The following EIF5B variants were observed in gnomAD, a reference collection of about 807,000 sequenced individuals.
EIF5B encodes eIF-5B.
In EIF5B, 47 loss-of-function variants were observed where a neutral mutation model predicts 147.5. The observed-to-expected ratio is 0.32, with a 90% confidence interval of 0.25 to 0.41. The LOEUF (loss-of-function observed/expected upper bound fraction) is 0.41. EIF5B is among the 10% of genes least tolerant of loss of function. The pLI, the probability that EIF5B is intolerant of heterozygous loss-of-function variation, is 1.00. For synonymous variants in EIF5B, 455 were observed against 456.2 expected (o/e 1.00, Z 0.03); for missense variants, 1,064 against 1,413.2 (o/e 0.75, Z 3.96).
At chr2:99,369,260 C>G (rs375834698) in intron 7 of EIF5B, 132 bp from the exon 8 acceptor site, 2 of 501,970 alleles carry the variant, frequency 4.0e-6, no homozygotes, top group Non-Finnish European at 6.4e-6. Flanking sequence ...GGTGACAGAG[C>G]GAGACTCCAT....
chr2:99,392,639 C>T (rs1280829828), intron 17 of EIF5B, among the ~76,000 whole-genome samples: 2 of 152,046 alleles, frequency 1.3e-5, no homozygotes, highest in Non-Finnish European at 2.9e-5. Context: ...TGTTTATTGG[C>T]CATTTATTTC....
Position 99,384,943 on chromosome 2 carries a change from C to T in EIF5B, c.2271+2022C>T, listed in dbSNP as rs185197142. ...AAAAAGAATTTAGGATAGCAATCAACTTAATTGATAAAGCAGTGGCAGGGT... is the reference window on the plus strand; with the variant it reads ...AAAAAGAATTTAGGATAGCAATCAATTTAATTGATAAAGCAGTGGCAGGGT... On this transcript the variant is annotated intron_variant, in intron 14 of 23. Transcript: ENST00000289371. 2.3e-3 allele frequency among the ~76,000 whole-genome samples: 345 copies of T among 152,248 alleles called. 4 individuals are homozygous for T. Among genetic ancestry groups the T allele is most frequent in the African/African-American group, 8.1e-3 (336 of 41,544 alleles).
chr2:99,353,748 C>G (rs1559245728), intron 1 of EIF5B, among the ~76,000 whole-genome samples: 1 of 152,162 alleles, frequency 6.6e-6, no homozygotes, highest in Admixed American at 6.5e-5. Flanking sequence ...TTTTGTCTTT[C>G]AAAAATGTTG....
At position 99,376,337 on chromosome 2, in the gene EIF5B, G is replaced by T; in HGVS notation, c.1553-10G>T. 7.4e-7 allele frequency: 1 copy of T among 1,348,382 alleles called. No individual in the cohort carries two copies. Among genetic ancestry groups the T allele is most frequent in the Non-Finnish European group, 1.0e-6 (1 of 994,296 alleles). 83.5% of individuals were successfully genotyped at this position (1,348,382 alleles called of 1,614,324 possible). On this transcript the variant is annotated splice_polypyrimidine_tract_variant and intron_variant, in intron 9 of 23. Coordinates refer to ENST00000289371, the MANE Select transcript of EIF5B (RefSeq NM_015904.4). The stretch of plus-strand genomic sequence containing the variant: ...TGTTTATTTATTTAAAAATATATTT[G>T]CTTTCGTAGTAGAAGGAAACAAAGT...
At position 99,363,793 on chromosome 2, in the gene EIF5B, A is replaced by C. The variant is rs775292334; in HGVS notation, c.1068A>C (p.Glu356Asp). The C allele has an allele frequency of 1.1e-5, 18 of 1,613,970 alleles. No individual in the cohort carries two copies. Among genetic ancestry groups the C allele is most frequent in the Admixed American group, 6.7e-5 (4 of 59,990 alleles). Residue 356 changes from glutamate (E) to aspartate (D), a missense_variant, in exon 5 of 24, where the codon GAA becomes GAC. Glu to Asp is a conservative substitution (Grantham distance 45). Transcript: ENST00000289371. The part of the protein sequence containing the change: ...EALAKLKEEE[E>D]RQKREEEERI... ...TGGCTAAGCTTAAAGAGGAAGAAGA[A>C]AGACAGAAGAGAGAAGAGGAAGAAC... is the stretch of plus-strand genomic sequence containing the variant.
chr2:99,386,652 C>T (rs1674815203), intron 14 of EIF5B, among the ~76,000 whole-genome samples: 1 of 148,066 alleles, frequency 6.8e-6, no homozygotes, highest in African/African-American at 2.5e-5. Context: ...GCCTAAGCCA[C>T]AGGTAGCTGG....
At chr2:99,364,945 T>C (rs1397917369) in intron 6 of EIF5B, among the ~76,000 whole-genome samples, 1 of 152,190 alleles carries the variant, frequency 6.6e-6, no homozygotes, top group Non-Finnish European at 1.5e-5. Context: ...TTGCATGGGC[T>C]GAGACCTGGA....
At chr2:99,351,765 T>C (rs1262265995) in intron 1 of EIF5B, among the ~76,000 whole-genome samples, 3 of 152,232 alleles carry the variant, frequency 2.0e-5, no homozygotes, top group Non-Finnish European at 4.4e-5. Flanking sequence ...TGGCGTGATC[T>C]TGGCTCACTG....
chr2:99,365,380 C>T (rs1413803105), intron 6 of EIF5B, among the ~76,000 whole-genome samples: 2 of 152,150 alleles, frequency 1.3e-5, no homozygotes, highest in South Asian at 2.1e-4. Context: ...CTTTTTCTTA[C>T]GCATATGTTC....
chr2:99,351,055 G>C (rs907832486), intron 1 of EIF5B, among the ~76,000 whole-genome samples: 8 of 152,212 alleles, frequency 5.3e-5, no homozygotes, highest in Non-Finnish European at 1.2e-4. Context: ...GGCCAGGCAT[G>C]GTGGCTCACC....
At chr2:99,360,405 C>A in intron 2 of EIF5B, 44 bp downstream of exon 2, 1 of 1,591,918 alleles carries the variant, frequency 6.3e-7, no homozygotes, top group East Asian at 2.3e-5. Flanking sequence ...TGTTTTGGTA[C>A]TGGATTCACT....
intron 17 of EIF5B, among the ~76,000 whole-genome samples, chr2:99,391,714 C>CT (rs1164848774): frequency 6.9e-6 from 1 of 144,712 alleles, no homozygotes; most frequent in African/African-American, 2.5e-5. Flanking sequence ...TCAGTGTGTA[C>CT]TTTTATAGCT....
At chr2:99,377,092 T>C (rs940053445) in intron 10 of EIF5B, among the ~76,000 whole-genome samples, 1 of 152,200 alleles carries the variant, frequency 6.6e-6, no homozygotes, top group African/African-American at 2.4e-5. Flanking sequence ...GTATTTTTCC[T>C]ACTTAATGCA....
At chr2:99,339,199 G>A (rs976127913) in intron 1 of EIF5B, among the ~76,000 whole-genome samples, 7 of 151,388 alleles carry the variant, frequency 4.6e-5, no homozygotes, top group Non-Finnish European at 8.8e-5. Flanking sequence ...TTTTAGTAGA[G>A]ACGGGGTTAC....
intron 1 of EIF5B, among the ~76,000 whole-genome samples, chr2:99,359,377 GA>G (rs1262750593): frequency 4.6e-4 from 66 of 142,784 alleles, no homozygotes; most frequent in Non-Finnish European, 6.2e-4. Context: ...TCAAAAAAAG[GA>G]AAAAAAAAAA....
At chr2:99,352,957 A>T (rs950562430) in intron 1 of EIF5B, among the ~76,000 whole-genome samples, 1 of 147,152 alleles carries the variant, frequency 6.8e-6, no homozygotes, top group African/African-American at 2.5e-5. Flanking sequence ...GGAGTAGCTG[A>T]AAGTACAGGC....
At chr2:99,384,196 CAA>C (rs770493783) in intron 14 of EIF5B, among the ~76,000 whole-genome samples, 1 of 117,502 alleles carries the variant, frequency 8.5e-6, no homozygotes, top group Non-Finnish European at 1.7e-5. Context: ...GACTCCGTCT[CAA>C]AAAAAAAAAG....
chr2:99,342,542 C>T (rs1295869842), intron 1 of EIF5B, among the ~76,000 whole-genome samples: 1 of 152,014 alleles, frequency 6.6e-6, no homozygotes, highest in African/African-American at 2.4e-5. Flanking sequence ...TCCCATGTAT[C>T]ACAGAATTTT....
At chr2:99,377,664 C>T (rs1394700913) in intron 10 of EIF5B, among the ~76,000 whole-genome samples, 1 of 152,046 alleles carries the variant, frequency 6.6e-6, no homozygotes, top group Non-Finnish European at 1.5e-5. Context: ...TCTCAATTAT[C>T]CTGCTCCCTA....
Sources: allele counts gnomAD v4.1 joint callset (sites outside exome capture counted in the v4.1 genomes callset), GRCh38; gene constraint gnomAD v4.1.1; transcripts MANE v1.5; gene names NCBI Gene and HGNC (gene_info 2026-07-23, HGNC 2026-07-21).